CACNA1C: variants seen among roughly 807,000 people sequenced by gnomAD.
CACNA1C encodes the protein voltage-dependent L-type calcium channel subunit alpha-1C.
A neutral mutation model predicts 229.0 loss-of-function variants in CACNA1C; 30 were observed. The ratio of observed to expected loss-of-function variants is 0.13; its 90% CI spans 0.10 to 0.18. The LOEUF is 0.18. Among genes scored for constraint, CACNA1C ranks in the 10% least tolerant of loss-of-function variants. The pLI is 1.00. For synonymous variants in CACNA1C, 1,114 were observed against 1,132.5 expected (o/e 0.98, Z 0.33); for missense variants, 1,658 against 2,845.0 (o/e 0.58, Z 9.49).
At chr12:2,388,950 G>T (rs1433853803) in intron 3 of CACNA1C, among the ~76,000 whole-genome samples, 1 of 152,222 alleles carries the variant, frequency 6.6e-6, no homozygotes, top group Non-Finnish European at 1.5e-5. Flanking sequence ...GGAGAGAAAT[G>T]TAGATTGGGG....
chr12:2,602,036 A>T lies in CACNA1C; in HGVS notation c.2960+76A>T. The stretch of plus-strand genomic sequence containing the variant: ...GCCAGAGAGGACAACCAGACCCTGG[A>T]GGGCCTGCCTGCAGGGCCACCGCAG... On this transcript the variant is annotated intron_variant, in intron 22 of 46. Transcript: ENST00000399655. The surrounding 1 kb of genome is among the most constrained non-coding windows in gnomAD (Gnocchi z 4.4). The T allele has an allele frequency of 1.0e-6, 1 of 963,032 alleles. No homozygotes were observed. The highest frequency in any genetic ancestry group is 1.7e-6 in the Non-Finnish European group (1 of 594,232). The allele number at this position is 963,032 out of a possible 1,614,324, so 59.7% of individuals were successfully genotyped here.
intron 3 of CACNA1C, among the ~76,000 whole-genome samples, chr12:2,171,195 TACA>T (rs1481430564): frequency 6.6e-6 from 1 of 152,224 alleles, no homozygotes; most frequent in Non-Finnish European, 1.5e-5. Flanking sequence ...GTCAGGGCGA[TACA>T]GTCTGTAGCT....
In CACNA1C at chr12:2,493,129, C is replaced by T; in HGVS notation, c.917-61C>T. ...TGTCACTTTTCTCTCTGACTTCTTT[C>T]TCTGCCCACATCTCTCCCTCCCTGC... On this transcript the variant is annotated intron_variant, in intron 6 of 46. Coordinates refer to ENST00000399655, the MANE Select transcript of CACNA1C (RefSeq NM_000719.7). The surrounding 1 kb of genome is among the most constrained non-coding windows in gnomAD (Gnocchi z 4.6). 7.0e-7 allele frequency: 1 copy of T among 1,437,598 alleles called. No individual in the cohort carries two copies. Among genetic ancestry groups the T allele is most frequent in the Admixed American group, 1.8e-5 (1 of 56,622 alleles). The allele number at this position is 1,437,598 out of a possible 1,614,324, so 89.1% of individuals were successfully genotyped here.
chr12:1,982,559 T>A (rs1003069539), intron 1 of CACNA1C, among the ~76,000 whole-genome samples: 1 of 152,138 alleles, frequency 6.6e-6, no homozygotes, highest in Non-Finnish European at 1.5e-5. Flanking sequence ...TTATTCTCTT[T>A]TGAGGTTGAA....
chr12:2,691,351 C>A lies in CACNA1C; in HGVS notation c.*152C>A. ...GGACCAGACGCGGAGCCTGGGTGCG[C>A]GAGCCGCCCTCCGGGAGGAAGGCGC... On this transcript the variant is annotated 3_prime_UTR_variant, in exon 47 of 47. Transcript: ENST00000399655. The A allele has an allele frequency of 1.2e-6, 1 of 834,830 alleles. No homozygotes were observed. Among genetic ancestry groups the A allele is most frequent in the Non-Finnish European group, 1.6e-6 (1 of 613,680 alleles). The allele number at this position is 834,830 out of a possible 1,614,324, so 51.7% of individuals were successfully genotyped here. A position where few individuals can be genotyped will look rare whatever the true frequency, so the allele number is the denominator to read the frequency against.
intron 1 of CACNA1C, among the ~76,000 whole-genome samples, chr12:2,076,494 C>T (rs1046188521): frequency 2.0e-5 from 3 of 151,978 alleles, no homozygotes; most frequent in Admixed American, 2.0e-4. Context: ...TCGCCTCACT[C>T]CCTCCCTACC....
chr12:2,480,936 T>C (rs1485195195), intron 5 of CACNA1C, among the ~76,000 whole-genome samples: 1 of 152,192 alleles, frequency 6.6e-6, no homozygotes, highest in Non-Finnish European at 1.5e-5. Flanking sequence ...TTCAACAGTT[T>C]CTCCCTGTGC....
At chr12:2,159,169 A>G (rs2095705761) in intron 3 of CACNA1C, among the ~76,000 whole-genome samples, 1 of 152,142 alleles carries the variant, frequency 6.6e-6, no homozygotes, top group African/African-American at 2.4e-5. Context: ...TTTTTCTTCA[A>G]TGAACCTTTT....
At chr12:2,425,269 A>C (rs1291357551) in intron 3 of CACNA1C, among the ~76,000 whole-genome samples, 1 of 152,278 alleles carries the variant, frequency 6.6e-6, no homozygotes, top group African/African-American at 2.4e-5. Context: ...GCTGTTGTTA[A>C]GCAAAAATAG....
chr12:2,277,401 A>G (rs1055077131), intron 3 of CACNA1C, among the ~76,000 whole-genome samples: 3 of 143,022 alleles, frequency 2.1e-5, no homozygotes, highest in Non-Finnish European at 3.1e-5. Flanking sequence ...ACACACACAC[A>G]CACACACACA....
chr12:2,305,674 T>G (rs1186675764), intron 3 of CACNA1C, among the ~76,000 whole-genome samples: 1 of 152,148 alleles, frequency 6.6e-6, no homozygotes, highest in Non-Finnish European at 1.5e-5. Context: ...TGAGACCCCA[T>G]TGCTTAAAAA....
intron 1 of CACNA1C, among the ~76,000 whole-genome samples, chr12:2,061,177 T>A (rs991264272): frequency 2.6e-5 from 4 of 151,154 alleles, no homozygotes; most frequent in Non-Finnish European, 5.9e-5. Context: ...CCTTAGCCAA[T>A]TCACTTCGCA....
At chr12:2,035,224 T>C (rs938881165) in intron 1 of CACNA1C, among the ~76,000 whole-genome samples, 1 of 152,214 alleles carries the variant, frequency 6.6e-6, no homozygotes, top group Non-Finnish European at 1.5e-5. Context: ...ACCTTCCAAG[T>C]CCTGAAGGAG....
chr12:2,115,217 G>T lies in CACNA1C; in HGVS notation c.50-7G>T. 2 of 1,541,222 alleles carry T rather than the reference G, an allele frequency of 1.3e-6. No individual in the cohort carries two copies. Among genetic ancestry groups the T allele is most frequent in the East Asian group, 2.3e-5 (1 of 42,740 alleles). ...TAACTGTTGTGTTCTTTTCTCTTTT[G>T]CCACAGGTTCCAACTATGGGAGCCC... On this transcript the variant is annotated splice_region_variant and splice_polypyrimidine_tract_variant and intron_variant, in intron 1 of 46. Coordinates refer to ENST00000399655, the MANE Select transcript of CACNA1C (RefSeq NM_000719.7).
At chr12:2,409,632 T>G (rs1320043863) in intron 3 of CACNA1C, among the ~76,000 whole-genome samples, 1 of 152,246 alleles carries the variant, frequency 6.6e-6, no homozygotes, top group Non-Finnish European at 1.5e-5. Context: ...ATGATGTTTG[T>G]CTGTTGTTCC....
intron 3 of CACNA1C, among the ~76,000 whole-genome samples, chr12:2,295,923 G>T (rs772304506): frequency 1.1e-4 from 16 of 152,208 alleles, no homozygotes; most frequent in Non-Finnish European, 2.9e-5. Flanking sequence ...TCATTGTTTT[G>T]TTTTTGTGAC....
At chr12:2,321,816 G>A (rs760593952) in intron 3 of CACNA1C, among the ~76,000 whole-genome samples, 2 of 152,138 alleles carry the variant, frequency 1.3e-5, no homozygotes, top group Non-Finnish European at 2.9e-5. Flanking sequence ...AAGTCCTTGG[G>A]GCAGGAATGA....
chr12:2,224,832 G>C (rs2062494940), intron 3 of CACNA1C, among the ~76,000 whole-genome samples: 2 of 152,192 alleles, frequency 1.3e-5, no homozygotes, highest in Admixed American at 1.3e-4. Context: ...GGATGATAAT[G>C]TCGTATTTGC....
intron 1 of CACNA1C, among the ~76,000 whole-genome samples, chr12:2,110,546 G>A (rs1006878846): frequency 2.0e-5 from 3 of 152,198 alleles, no homozygotes; most frequent in Non-Finnish European, 2.9e-5. Context: ...TCTTTGCATT[G>A]GGTGGTGATT....
Sources: gnomAD v4.1 joint callset for allele counts (sites outside exome capture counted in the v4.1 genomes callset) on GRCh38, gnomAD v4.1.1 for gene constraint, Gnocchi (gnomAD v3.1) non-coding constraint, MANE v1.5 for transcripts, NCBI Gene and HGNC (gene_info 2026-07-23, HGNC 2026-07-21) for gene names.